Variants in GLG1 observed in about 807,000 individuals in gnomAD.
GLG1 encodes Golgi apparatus protein 1.
In GLG1, 38 loss-of-function variants were observed where a neutral mutation model predicts 160.5. That is an observed-to-expected ratio of 0.24 (90% CI 0.18 to 0.31). GLG1 has a LOEUF of 0.31. GLG1 is among the 10% of genes least tolerant of loss of function. GLG1 has a pLI of 1.00. For missense variants in GLG1, 1,373 were observed against 1,505.2 expected (o/e 0.91, Z 1.45); for synonymous variants, 644 against 543.4 (o/e 1.19, Z -2.57).
At chr16:74,502,958 G>C (rs2016464263) in intron 4 of GLG1, among the ~76,000 whole-genome samples, 1 of 151,622 alleles carries the variant, frequency 6.6e-6, no homozygotes, top group Admixed American at 6.6e-5. Flanking sequence ...TGTAATCCCA[G>C]CACTTTCGGA....
At chr16:74,531,450 C>T (rs916184033) in intron 2 of GLG1, among the ~76,000 whole-genome samples, 7 of 152,274 alleles carry the variant, frequency 4.6e-5, no homozygotes, top group South Asian at 2.1e-4. Context: ...TCCAGAGTAG[C>T]TGGGATTAAA....
chr16:74,472,270 G>A (rs533340007), intron 14 of GLG1, 79 bp downstream of exon 14: 8 of 903,048 alleles, frequency 8.9e-6, no homozygotes, highest in Middle Eastern at 2.1e-4. Context: ...GCAGACAGAG[G>A]TGAGTCTGAG....
At chr16:74,603,653 G>C (rs1958496454) in intron 1 of GLG1, among the ~76,000 whole-genome samples, 1 of 151,538 alleles carries the variant, frequency 6.6e-6, no homozygotes, top group South Asian at 2.1e-4. Flanking sequence ...AAAAAAAAAA[G>C]TGCTACTGGC....
chr16:74,546,924 A>T lies in GLG1; in HGVS notation c.439-14771T>A, dbSNP rs149905114. Among the ~76,000 whole-genome samples the T allele has an allele frequency of 3.3e-5, 5 of 150,874 alleles. No individual in the cohort carries two copies. In the South Asian group the frequency reaches 6.3e-4, roughly 19 times the overall value. ...CACCATTTTAATGAAGTTTGAAAAG[A>T]GAGAGAAGCCTTCCTTCCCCAAAGG... On this transcript the variant is annotated intron_variant, in intron 1 of 25. Transcript: ENST00000422840.
In GLG1 at chr16:74,496,530, G is replaced by A; in HGVS notation, c.889C>T (p.Arg297Trp). 1.9e-6 allele frequency: 3 copies of A among 1,613,190 alleles called. No homozygotes were observed. The highest frequency in any genetic ancestry group is 1.7e-6 in the Non-Finnish European group (2 of 1,179,282). Residue 297 changes from arginine (R) to tryptophan (W), a missense_variant, in exon 5 of 26, where the codon CGG becomes TGG. Coordinates refer to ENST00000422840, the MANE Select transcript of GLG1 (RefSeq NM_001145667.2). ...TCATCCGATGACAGCTCAGCCACCC[G>A]GAGAATGGCTTTCTTGCAGAGTTCA... ...VSELCKKAIL[R>W]VAELSSDDFH...
chr16:74,555,923 T>G (rs900687799), intron 1 of GLG1, among the ~76,000 whole-genome samples: 2 of 150,752 alleles, frequency 1.3e-5, no homozygotes, highest in Non-Finnish European at 2.9e-5. Context: ...CGCTGCAGCC[T>G]CACTCTTCTG....
At chr16:74,547,221 T>C (rs895556983) in intron 1 of GLG1, among the ~76,000 whole-genome samples, 2 of 151,066 alleles carry the variant, frequency 1.3e-5, no homozygotes, top group African/African-American at 4.9e-5. Flanking sequence ...GTAAATCACC[T>C]CATCGATCTT....
chr16:74,588,185 G>A (rs1198361359), intron 1 of GLG1, among the ~76,000 whole-genome samples: 1 of 152,036 alleles, frequency 6.6e-6, no homozygotes, highest in Admixed American at 6.6e-5. Context: ...GAGCCCAGGA[G>A]AGAAAGAGGG....
chr16:74,508,374 T>A (rs1227046946), intron 3 of GLG1, among the ~76,000 whole-genome samples: 1 of 151,754 alleles, frequency 6.6e-6, no homozygotes, highest in Non-Finnish European at 1.5e-5. Flanking sequence ...TTCACTAATA[T>A]TATTTGTTGT....
At chr16:74,453,573 A>G (rs2014410473) in intron 25 of GLG1, among the ~76,000 whole-genome samples, 1 of 152,164 alleles carries the variant, frequency 6.6e-6, no homozygotes, top group Non-Finnish European at 1.5e-5. Context: ...GCAGTCACCC[A>G]CAATTCCATC....
intron 13 of GLG1, 59 bp downstream of exon 13, chr16:74,474,487 C>G: frequency 3.5e-6 from 3 of 847,840 alleles, no homozygotes; most frequent in Non-Finnish European, 6.2e-6. Flanking sequence ...GAATCAAACA[C>G]AAAAGGCCAG....
At chr16:74,486,965 G>A (rs1296966089) in intron 8 of GLG1, among the ~76,000 whole-genome samples, 1 of 149,884 alleles carries the variant, frequency 6.7e-6, no homozygotes, top group Non-Finnish European at 1.5e-5. Flanking sequence ...CCAGGCTGGA[G>A]TGCAGTGGCA....
intron 1 of GLG1, among the ~76,000 whole-genome samples, chr16:74,549,204 A>G (rs1317067415): frequency 1.3e-5 from 2 of 152,220 alleles, no homozygotes; most frequent in Non-Finnish European, 2.9e-5. Context: ...TCACTTCAAG[A>G]TATGACCACA....
At chr16:74,540,881 T>C (rs1271712902) in intron 1 of GLG1, among the ~76,000 whole-genome samples, 1 of 152,202 alleles carries the variant, frequency 6.6e-6, no homozygotes, top group Non-Finnish European at 1.5e-5. Flanking sequence ...TTTTCACTGC[T>C]CAGCTGCCTG....
At chr16:74,504,874 C>T (rs894599447) in intron 3 of GLG1, among the ~76,000 whole-genome samples, 1 of 151,814 alleles carries the variant, frequency 6.6e-6, no homozygotes, top group Non-Finnish European at 1.5e-5. Context: ...CAAACTAGCC[C>T]CCAAATGCTG....
chr16:74,463,234 C>CA (rs2014869733), intron 20 of GLG1, 122 bp downstream of exon 20: 3 of 928,194 alleles, frequency 3.2e-6, no homozygotes, highest in Non-Finnish European at 4.9e-6. Flanking sequence ...TGCTTACACT[C>CA]AGACTCCTCC....
rs1356038275 is a variant in GLG1 at position 74,457,018 on chromosome 16, A to G, written c.3266-263T>C. Among the ~76,000 whole-genome samples, 3 of 152,154 alleles carry G rather than the reference A, an allele frequency of 2.0e-5. 1 individual carries two copies. The highest frequency in any genetic ancestry group is 7.2e-5 in the African/African-American group (3 of 41,434). Reference sequence around the variant, plus strand: ...TGGTGGCAAACACCTGTAATCCCAGATACTTGGGAAGCTGAGGCAGGAGGA... The same window carrying G: ...TGGTGGCAAACACCTGTAATCCCAGGTACTTGGGAAGCTGAGGCAGGAGGA... On this transcript the variant is annotated intron_variant, in intron 24 of 25. Coordinates refer to ENST00000422840, the MANE Select transcript of GLG1 (RefSeq NM_001145667.2).
intron 1 of GLG1, among the ~76,000 whole-genome samples, chr16:74,540,538 A>G (rs2017832867): frequency 6.6e-6 from 1 of 151,776 alleles, no homozygotes; most frequent in Admixed American, 6.6e-5. Flanking sequence ...ACTGCCTAAC[A>G]TTTAAGAAAC....
chr16:74,509,154 T>C (rs1464591277), intron 2 of GLG1, among the ~76,000 whole-genome samples: 1 of 142,626 alleles, frequency 7.0e-6, no homozygotes, highest in South Asian at 2.2e-4. Flanking sequence ...TCGTTTTTAC[T>C]AAAGGACAAT....
Sources: allele counts gnomAD v4.1 joint callset (sites outside exome capture counted in the v4.1 genomes callset), GRCh38; gene constraint gnomAD v4.1.1; transcripts MANE v1.5; gene names NCBI Gene and HGNC (gene_info 2026-07-23, HGNC 2026-07-21).